Variants in KYNU observed in about 807,000 individuals in gnomAD.
KYNU encodes kynureninase, also known as L-kynurenine hydrolase.
KYNU carries 54 observed loss-of-function variants against 59.2 expected under a neutral mutation model. The observed-to-expected ratio is 0.91, with a 90% CI of 0.73 to 1.14. KYNU has a LOEUF of 1.14. KYNU is among the 50% of genes most tolerant of loss of function. KYNU has a pLI of 0.00. For synonymous variants in KYNU, 177 were observed against 192.0 expected (o/e 0.92, Z 0.65); for missense variants, 567 against 554.4 (o/e 1.02, Z -0.23).
intron 4 of KYNU, among the ~76,000 whole-genome samples, chr2:142,930,349 G>A (rs1247742993): frequency 2.6e-5 from 4 of 152,182 alleles, no homozygotes; most frequent in African/African-American, 9.7e-5. Context: ...CCAACTTGAT[G>A]CTGCAGGTGA....
intron 4 of KYNU, chr2:142,954,026 A>G (rs1040030124): frequency 6.6e-6 from 1 of 152,068 alleles, no homozygotes; most frequent in Non-Finnish European, 1.5e-5. Flanking sequence ...ACACAGGTCT[A>G]ATTGCCTTGA....
intron 10 of KYNU, among the ~76,000 whole-genome samples, chr2:143,000,424 C>A (rs1375542151): frequency 6.6e-6 from 1 of 151,994 alleles, no homozygotes; most frequent in African/African-American, 2.4e-5. Flanking sequence ...TTTCTTTATT[C>A]TATTGATCTT....
intron 13 of KYNU, 77 bp downstream of exon 13, chr2:143,040,735 A>G (rs1214891070): frequency 3.4e-6 from 3 of 874,022 alleles, no homozygotes; most frequent in Non-Finnish European, 5.3e-6. Flanking sequence ...TCTTTGGTTT[A>G]TTCATTGTTG....
chr2:142,968,511 T>A (rs1684616324), intron 8 of KYNU, among the ~76,000 whole-genome samples: 1 of 152,198 alleles, frequency 6.6e-6, no homozygotes, highest in South Asian at 2.1e-4. Context: ...AAGAGCCATA[T>A]TTATATTAAT....
chr2:143,038,021 C>T (rs1393830471), intron 12 of KYNU, among the ~76,000 whole-genome samples: 2 of 152,184 alleles, frequency 1.3e-5, no homozygotes, highest in Non-Finnish European at 2.9e-5. Flanking sequence ...ATTTGTCATA[C>T]CAAAAAAATT....
intron 2 of KYNU, among the ~76,000 whole-genome samples, chr2:142,904,817 G>A (rs530633883): frequency 5.0e-4 from 76 of 152,040 alleles, no homozygotes; most frequent in Non-Finnish European, 1.0e-3. Flanking sequence ...TCTGCTTATC[G>A]GATTAGTTGT....
intron 12 of KYNU, among the ~76,000 whole-genome samples, chr2:143,035,742 C>T (rs1280652477): frequency 2.6e-5 from 4 of 152,110 alleles, no homozygotes; most frequent in Non-Finnish European, 5.9e-5. Context: ...CAGGACTGCA[C>T]CACCACACTT....
intron 7 of KYNU, among the ~76,000 whole-genome samples, chr2:142,959,846 T>C (rs566087680): frequency 6.6e-6 from 1 of 152,308 alleles, no homozygotes; most frequent in South Asian, 2.1e-4. Context: ...GAGATTTTAA[T>C]CTTAATCTAA....
chr2:142,964,430 C>T (rs1463567874), intron 8 of KYNU, among the ~76,000 whole-genome samples: 8 of 152,282 alleles, frequency 5.3e-5, no homozygotes, highest in East Asian at 1.9e-4. Context: ...TTCTCTACAG[C>T]TTCACCAATA....
chr2:142,991,491 A>C lies in KYNU; in HGVS notation c.902+5470A>C, dbSNP rs79475647. 3.4e-3 allele frequency among the ~76,000 whole-genome samples: 510 copies of C among 151,838 alleles called. 2 individuals carry two copies. Among genetic ancestry groups the C allele is most frequent in the Non-Finnish European group, 6.0e-3 (404 of 67,866 alleles). On this transcript the variant is annotated intron_variant, in intron 10 of 13. Transcript: ENST00000264170. ...AAATATGACCTCGGCCTTCTGAGTC[A>C]CCTGTTCTGCTTGTTTAGCCTGTAT...
At position 143,046,514 on chromosome 2, in the gene KYNU, AT is replaced by A. The variant is rs1687166447; in HGVS notation, c.*4344del. The A allele has an allele frequency of 1.4e-5, 2 of 147,378 alleles. No individual in the cohort carries two copies. The highest frequency in any genetic ancestry group is 4.3e-4 in the South Asian group (2 of 4,620). 9.1% of individuals were successfully genotyped at this position (147,378 alleles called of 1,614,324 possible). ...TTTTCCCATATAGATAATTTATATT[AT>A]TAATAATTCCTTCTATTTCATAAGC... On this transcript the variant is annotated 3_prime_UTR_variant, in exon 14 of 14. Transcript: ENST00000264170.
intron 4 of KYNU, chr2:142,947,100 T>G: frequency 1.3e-6 from 2 of 1,550,988 alleles, no homozygotes. Flanking sequence ...CTTTTGTTGC[T>G]TTTTTCAGCC....
At chr2:142,902,479 C>T (rs1268161268) in intron 2 of KYNU, among the ~76,000 whole-genome samples, 1 of 152,126 alleles carries the variant, frequency 6.6e-6, no homozygotes, top group Non-Finnish European at 1.5e-5. Flanking sequence ...TTTTGCCGTA[C>T]CTGGGAATCC....
At chr2:142,949,796 A>G (rs1683926281) in intron 4 of KYNU, among the ~76,000 whole-genome samples, 1 of 152,186 alleles carries the variant, frequency 6.6e-6, no homozygotes. Context: ...TACTTATGCA[A>G]ATTTCTGCAG....
At chr2:142,904,242 G>T (rs1377276978) in intron 2 of KYNU, among the ~76,000 whole-genome samples, 1 of 152,174 alleles carries the variant, frequency 6.6e-6, no homozygotes, top group Non-Finnish European at 1.5e-5. Flanking sequence ...GTGTTATAGT[G>T]AACATCACTG....
At chr2:142,907,036 C>T (rs989977622) in intron 2 of KYNU, among the ~76,000 whole-genome samples, 2 of 152,184 alleles carry the variant, frequency 1.3e-5, no homozygotes, top group African/African-American at 4.8e-5. Flanking sequence ...GTATTTTCCT[C>T]CAATTCTAAG....
At position 143,055,325 on chromosome 2, in the gene KYNU, G is replaced by A. The variant is rs1231572486; in HGVS notation, c.*13153G>A. ...TTTCTTACTTTTTTTAGATTCTAGA[G>A]GCTTCCCACAATCCTTGGCTTAAGG... On this transcript the variant is annotated 3_prime_UTR_variant, in exon 14 of 14. Transcript: ENST00000264170. The A allele has an allele frequency of 9.2e-5, 14 of 152,044 alleles. No individual in the cohort carries two copies. The highest frequency in any genetic ancestry group is 2.1e-4 in the Non-Finnish European group (14 of 67,996). 9.4% of individuals were successfully genotyped at this position (152,044 alleles called of 1,614,324 possible).
intron 10 of KYNU, among the ~76,000 whole-genome samples, chr2:143,001,296 T>C (rs1244181518): frequency 1.3e-5 from 2 of 152,140 alleles, no homozygotes; most frequent in African/African-American, 4.8e-5. Flanking sequence ...GACTTTAAAC[T>C]ATTGGACAGG....
At chr2:143,029,540 C>T in intron 10 of KYNU, 87 bp from the exon 11 acceptor site, 1 of 806,136 alleles carries the variant, frequency 1.2e-6, no homozygotes, top group Non-Finnish European at 2.2e-6. Context: ...GAGCTGAGAT[C>T]ACGCCACTGC....
Sources: gnomAD v4.1 joint callset for allele counts (sites outside exome capture counted in the v4.1 genomes callset) on GRCh38, gnomAD v4.1.1 for gene constraint, MANE v1.5 for transcripts, NCBI Gene and HGNC (gene_info 2026-07-23, HGNC 2026-07-21) for gene names.